Variants in POLD1 observed in about 807,000 individuals in gnomAD.
POLD1 encodes the protein DNA polymerase delta catalytic subunit.
POLD1 carries 79 observed loss-of-function variants against 129.7 expected under a neutral mutation model. That is an observed-to-expected ratio of 0.61 (90% CI 0.51 to 0.73). The LOEUF (loss-of-function observed/expected upper bound fraction) is 0.73, where lower values mean the gene tolerates loss of function less well. Among genes scored for constraint, POLD1 ranks in the 30% least tolerant of loss-of-function variants. The pLI, the probability that POLD1 is intolerant of heterozygous loss-of-function variation, is 0.00. For missense variants in POLD1, 1,338 were observed against 1,595.8 expected (o/e 0.84, Z 2.75); for synonymous variants, 714 against 683.3 (o/e 1.04, Z -0.70).
At chr19:50,403,385 G>T in intron 9 of POLD1, 108 bp from the exon 10 acceptor site, 1 of 1,137,588 alleles carries the variant, frequency 8.8e-7, no homozygotes. Flanking sequence ...CTTCCCCTCT[G>T]GGTTCTGCAG....
In POLD1 at chr19:50,403,504, C is replaced by A. The variant is rs753026593; in HGVS notation, c.1149C>A (p.Thr383=). Residue 383 remains threonine, a synonymous_variant, in exon 10 of 27, where the codon ACC becomes ACA. Coordinates refer to ENST00000440232, the MANE Select transcript of POLD1 (RefSeq NM_002691.4). ...GCTCCCACCCCCAGGCCTGGTCCACCTTCATCCGTATCATGGACCCCGACG... is the reference window on the plus strand; with the variant it reads ...GCTCCCACCCCCAGGCCTGGTCCACATTCATCCGTATCATGGACCCCGACG... The part of the protein sequence containing the change: ...KEEDLLQAWS[T]FIRIMDPDVI... The A allele has an allele frequency of 4.1e-5, 66 of 1,613,196 alleles. No homozygotes were observed. Among genetic ancestry groups the A allele is most frequent in the Non-Finnish European group, 4.8e-5 (57 of 1,179,210 alleles).
At chr19:50,390,570 C>A (rs1035464447) in intron 1 of POLD1, among the ~76,000 whole-genome samples, 4 of 142,312 alleles carry the variant, frequency 2.8e-5, no homozygotes, top group Admixed American at 1.4e-4. Flanking sequence ...TTCTTGAGAA[C>A]TATTTTTTTT....
Position 50,402,467 on chromosome 19 carries a change from A to C in POLD1, c.772A>C (p.Thr258Pro). ...VDFEIRFMVD[T>P]DIVGCNWLEL... The stretch of plus-strand genomic sequence containing the variant: ...AGCCCCCTCCAGGTTCATGGTGGAC[A>C]CGGACATCGTCGGCTGCAACTGGCT... Residue 258 changes from threonine (T) to proline (P), a missense_variant, in exon 7 of 27, where the codon ACG (threonine) becomes CCG (proline). Around this residue, in one of 3 missense-constraint regions of POLD1, gnomAD observed 720 missense variants for 1,002.6 expected, o/e 0.72. Transcript: ENST00000440232. 1 of 1,612,898 alleles carries C rather than the reference A, an allele frequency of 6.2e-7. No homozygotes were observed. Among genetic ancestry groups the C allele is most frequent in the Non-Finnish European group, 8.5e-7 (1 of 1,179,556 alleles).
rs571759517 is a variant in POLD1 at position 50,407,725 on chromosome 19, A to ATTTTTT, written c.1775+328_1775+333dup. Reference sequence around the variant, plus strand: ...AGGCGCCCACCACCACGCCTGGCTAATTTTTTTTTTTTTTTTTTTTTTTGC... The same window carrying ATTTTTT: ...AGGCGCCCACCACCACGCCTGGCTAATTTTTTTTTTTTTTTTTTTTTTTTTTTTTGC... On this transcript the variant is annotated intron_variant, in intron 14 of 26. Coordinates refer to ENST00000440232, the MANE Select transcript of POLD1 (RefSeq NM_002691.4). Among the ~76,000 whole-genome samples the ATTTTTT allele has an allele frequency of 2.8e-4, 27 of 95,322 alleles. No homozygotes were observed. The South Asian group carries it at 3.4e-3, about 12-fold the overall frequency. The allele number at this position is 95,322 out of a possible 152,430, so 62.5% of individuals were successfully genotyped here.
chr19:50,387,279 A>G (rs1233341229), intron 1 of POLD1, among the ~76,000 whole-genome samples: 2 of 152,148 alleles, frequency 1.3e-5, no homozygotes, highest in Admixed American at 6.6e-5. Flanking sequence ...TCCTTTCCCA[A>G]AAAAATATAT....
intron 1 of POLD1, among the ~76,000 whole-genome samples, chr19:50,385,044 T>C (rs1335827365): frequency 6.6e-6 from 1 of 152,064 alleles, no homozygotes; most frequent in Non-Finnish European, 1.5e-5. Context: ...CTAGATCCTA[T>C]AGGGCCTTGT....
intron 1 of POLD1, among the ~76,000 whole-genome samples, chr19:50,386,615 A>G (rs918152712): frequency 2.6e-5 from 4 of 152,254 alleles, no homozygotes; most frequent in Non-Finnish European, 4.4e-5. Context: ...GCAGCTGGTC[A>G]GCTTGGAGGA....
At position 50,407,401 on chromosome 19, in the gene POLD1, C is replaced by A; in HGVS notation, c.1761C>A (p.Ile587=). The A allele has an allele frequency of 1.2e-6, 2 of 1,607,458 alleles. No homozygotes were observed. Among genetic ancestry groups the A allele is most frequent in the Non-Finnish European group, 8.5e-7 (1 of 1,176,008 alleles). ...GGEDYTGATV[I]EPLKGYYDVP... Reference sequence around the variant, plus strand: ...AGGACTACACGGGAGCCACTGTCATCGAGCCCCTCAAAGGGTGAGGCCCCA... The same window carrying A: ...AGGACTACACGGGAGCCACTGTCATAGAGCCCCTCAAAGGGTGAGGCCCCA... Residue 587 remains isoleucine, a synonymous_variant, in exon 14 of 27, where the codon ATC becomes ATA. Transcript: ENST00000440232.
intron 7 of POLD1, 28 bp from the exon 8 acceptor site, chr19:50,402,584 G>A (rs2122253870): frequency 6.4e-7 from 1 of 1,570,948 alleles, no homozygotes; most frequent in Non-Finnish European, 8.6e-7. Context: ...GTACCCTGCT[G>A]CCACCGCTGA....
At chr19:50,395,453 G>A (rs894326739) in intron 1 of POLD1, among the ~76,000 whole-genome samples, 3 of 152,040 alleles carry the variant, frequency 2.0e-5, no homozygotes, top group Non-Finnish European at 4.4e-5. Flanking sequence ...GCGCAGTGGC[G>A]GACGCCTGTA....
Position 50,404,302 on chromosome 19 carries a change from G to A in POLD1, c.1242+705G>A, listed in dbSNP as rs184454140. Among the ~76,000 whole-genome samples, 47 of 146,514 alleles carry A rather than the reference G, an allele frequency of 3.2e-4. No individual in the cohort carries two copies. In the East Asian group the frequency reaches 8.5e-3, roughly 26 times the overall value. ...TTCCAAGACAAAGTCTCGCTCTGTC[G>A]CCCAGGCTGGAGTGCAGTGGCGCAA... On this transcript the variant is annotated intron_variant, in intron 10 of 26. Transcript: ENST00000440232.
At chr19:50,403,874 A>G (rs922590990) in intron 10 of POLD1, among the ~76,000 whole-genome samples, 2 of 152,230 alleles carry the variant, frequency 1.3e-5, no homozygotes, top group African/African-American at 4.8e-5. Context: ...TCAACAAGCC[A>G]TGAAGCAGCC....
At chr19:50,407,486 C>A (rs2122346665) in intron 14 of POLD1, 71 bp downstream of exon 14, 3 of 1,048,248 alleles carry the variant, frequency 2.9e-6, no homozygotes, top group East Asian at 5.8e-5. Context: ...ATCACTTGAG[C>A]TCAGGAGTTT....
At chr19:50,392,566 C>T (rs2038210715) in intron 1 of POLD1, among the ~76,000 whole-genome samples, 1 of 152,146 alleles carries the variant, frequency 6.6e-6, no homozygotes, top group Non-Finnish European at 1.5e-5. Context: ...CAACCTCTGC[C>T]TCCCAGGTTC....
At chr19:50,391,992 C>T (rs1331822892) in intron 1 of POLD1, among the ~76,000 whole-genome samples, 2 of 152,154 alleles carry the variant, frequency 1.3e-5, no homozygotes, top group African/African-American at 4.8e-5. Context: ...GCTAGGATTA[C>T]AGGCGTGAGC....
At chr19:50,408,490 C>T (rs545736685) in intron 14 of POLD1, among the ~76,000 whole-genome samples, 1 of 152,178 alleles carries the variant, frequency 6.6e-6, no homozygotes, top group African/African-American at 2.4e-5. Context: ...AAGCAATCCT[C>T]CTGCCTCAGG....
rs2039292441 is a variant in POLD1 at position 50,416,415 on chromosome 19, A to T, written c.2840A>T (p.Glu947Val). Residue 947 changes from glutamate to valine, a missense_variant, in exon 23 of 27, where the codon GAG (glutamate) becomes GTG (valine). Physicochemically the swap from Glu to Val is moderately radical, Grantham distance 121. Transcript: ENST00000440232. The part of the protein sequence containing the change: ...MKSEDPLFVL[E>V]HSLPIDTQYY... ...CCGCAGGACCCGCTGTTCGTGCTGG[A>T]GCACAGCCTGCCCATTGACACGCAG... 1 of 1,549,538 alleles carries T rather than the reference A, an allele frequency of 6.5e-7. No individual in the cohort carries two copies. Among genetic ancestry groups the T allele is most frequent in the Non-Finnish European group, 8.7e-7 (1 of 1,147,256 alleles).
At chr19:50,399,089 C>G (rs1314104828) in intron 2 of POLD1, 36 bp downstream of exon 2, 1 of 1,550,382 alleles carries the variant, frequency 6.5e-7, no homozygotes, top group Admixed American at 2.0e-5. Context: ...GCTGCCCAAC[C>G]CATTGCCCCT....
At chr19:50,403,305 C>A (rs552289346) in intron 9 of POLD1, 86 bp downstream of exon 9, 47 of 1,372,546 alleles carry the variant, frequency 3.4e-5, no homozygotes, top group Non-Finnish European at 4.7e-5. Context: ...GGTGCTGCGA[C>A]GCCCATGTCT....
Sources: allele counts gnomAD v4.1 joint callset (sites outside exome capture counted in the v4.1 genomes callset), GRCh38; gene constraint gnomAD v4.1.1; regional missense constraint gnomAD v4.1.1; transcripts MANE v1.5; gene names NCBI Gene and HGNC (gene_info 2026-07-23, HGNC 2026-07-21).